Variants in CDC42EP3 observed in about 807,000 individuals in gnomAD.
The protein encoded by CDC42EP3 is CDC42 effector protein 3, also known as CDC42 effector protein (Rho GTPase binding) 3.
A neutral mutation model predicts 15.5 loss-of-function variants in CDC42EP3; 4 were observed. The observed-to-expected ratio is 0.26, with a 90% CI of 0.13 to 0.59. CDC42EP3 has a LOEUF of 0.59. Among genes scored for constraint, CDC42EP3 ranks in the 20% least tolerant of loss-of-function variants. The pLI, the probability that CDC42EP3 is intolerant of heterozygous loss-of-function variation, is 0.89. For synonymous variants in CDC42EP3, 145 were observed against 130.3 expected, an observed-to-expected ratio of 1.11 and a Z score of -0.77; for missense variants, 309 against 311.2, an observed-to-expected ratio of 0.99 and a Z score of 0.05.
At chr2:37,669,569 T>C (rs1258591285) in intron 1 of CDC42EP3, among the ~76,000 whole-genome samples, 4 of 152,242 alleles carry the variant, frequency 2.6e-5, no homozygotes, top group African/African-American at 9.6e-5. Context: ...ACTGCTCAGA[T>C]TGAGGGAAAG....
chr2:37,657,229 C>G (rs1665895524), intron 1 of CDC42EP3, among the ~76,000 whole-genome samples: 1 of 152,120 alleles, frequency 6.6e-6, no homozygotes, highest in Non-Finnish European at 1.5e-5. Context: ...TTCTTACCAT[C>G]AGCCTCTATT....
intron 1 of CDC42EP3, among the ~76,000 whole-genome samples, chr2:37,668,564 T>C (rs1222548850): frequency 1.3e-5 from 2 of 152,224 alleles, no homozygotes; most frequent in Non-Finnish European, 2.9e-5. Flanking sequence ...CAGTTTTTTT[T>C]CCCATCCCCT....
At chr2:37,661,671 C>G (rs2124631813) in intron 1 of CDC42EP3, among the ~76,000 whole-genome samples, 1 of 152,206 alleles carries the variant, frequency 6.6e-6, no homozygotes, top group Middle Eastern at 3.4e-3. Context: ...CTACCGGGAG[C>G]TGACAGCACG....
intron 1 of CDC42EP3, among the ~76,000 whole-genome samples, chr2:37,668,518 G>C (rs1666312627): frequency 6.6e-6 from 1 of 152,220 alleles, no homozygotes; most frequent in African/African-American, 2.4e-5. Flanking sequence ...ACTAGGACAT[G>C]TGCCCAGGCA....
At position 37,645,888 on chromosome 2, in the gene CDC42EP3, G is replaced by T. The variant is rs1665435278; in HGVS notation, c.700C>A (p.Leu234Met). Residue 234 changes from leucine (L) to methionine (M), a missense_variant, in exon 2 of 2, where the codon CTG becomes ATG. Coordinates refer to ENST00000295324, the MANE Select transcript of CDC42EP3 (RefSeq NM_006449.5). The part of the protein sequence containing the change: ...LSDLTGSLLS[L>M]QLDLGPSLLD... ...AGTGAGGGCCCAAGATCAAGCTGCA[G>T]GGAGAGGAGGGAACCTGTAAGGTCA... 1 of 1,599,040 alleles carries T rather than the reference G, an allele frequency of 6.3e-7. No individual in the cohort carries two copies. The highest frequency in any genetic ancestry group is 8.5e-7 in the Non-Finnish European group (1 of 1,174,062).
At chr2:37,666,686 T>G (rs1250174272) in intron 1 of CDC42EP3, among the ~76,000 whole-genome samples, 1 of 152,224 alleles carries the variant, frequency 6.6e-6, no homozygotes, top group South Asian at 2.1e-4. Context: ...CTCAGCATCA[T>G]GCTTTGTATT....
chr2:37,656,054 C>A (rs979079964), intron 1 of CDC42EP3, among the ~76,000 whole-genome samples: 1 of 152,218 alleles, frequency 6.6e-6, no homozygotes, highest in Non-Finnish European at 1.5e-5. Context: ...TTCTCAAGTT[C>A]TCTGATGGGG....
In CDC42EP3 at chr2:37,642,037, C is replaced by T. The variant is rs1032183057; in HGVS notation, c.*3786G>A. ...ACATGATGCTTTTTGCAGCATTGTACCACAGAATAATGACTCCCTAATAAC... is the reference window on the plus strand; with the variant it reads ...ACATGATGCTTTTTGCAGCATTGTATCACAGAATAATGACTCCCTAATAAC... On this transcript the variant is annotated 3_prime_UTR_variant, in exon 2 of 2. Coordinates refer to ENST00000295324, the MANE Select transcript of CDC42EP3 (RefSeq NM_006449.5). 2 of 152,092 alleles carry T rather than the reference C, an allele frequency of 1.3e-5. No homozygotes were observed. Among genetic ancestry groups the T allele is most frequent in the African/African-American group, 2.4e-5 (1 of 41,398 alleles). 9.4% of individuals were successfully genotyped at this position (152,092 alleles called of 1,614,324 possible).
Position 37,644,995 on chromosome 2 carries a change from C to T in CDC42EP3, c.*828G>A, listed in dbSNP as rs1041642673. ...ACCTGTGCCTTTACACTTTACAATC[C>T]GTTATTGGTTGCTGTTAAAAGTATG... On this transcript the variant is annotated 3_prime_UTR_variant, in exon 2 of 2. Transcript: ENST00000295324. The T allele has an allele frequency of 9.9e-5, 15 of 151,974 alleles. No homozygotes were observed. The highest frequency in any genetic ancestry group is 1.5e-4 in the African/African-American group (6 of 41,344). The allele number at this position is 151,974 out of a possible 1,614,324, so 9.4% of individuals were successfully genotyped here.
chr2:37,662,219 G>C (rs549978717), intron 1 of CDC42EP3, among the ~76,000 whole-genome samples: 8 of 152,174 alleles, frequency 5.3e-5, no homozygotes, highest in Non-Finnish European at 1.2e-4. Context: ...GCCATGTAGT[G>C]ACTCCCTTTG....
intron 1 of CDC42EP3, among the ~76,000 whole-genome samples, chr2:37,666,725 C>A (rs1204869338): frequency 1.3e-5 from 2 of 152,024 alleles, no homozygotes; most frequent in African/African-American, 4.8e-5. Flanking sequence ...AATTTGAAAA[C>A]TGCTTTTCTA....
intron 1 of CDC42EP3, among the ~76,000 whole-genome samples, chr2:37,655,092 C>A (rs983627758): frequency 2.0e-5 from 3 of 152,306 alleles, no homozygotes; most frequent in South Asian, 2.1e-4. Context: ...TAGATTCTTA[C>A]CCTCTCCCCA....
chr2:37,671,082 GCCAAGCGCGGCTTGT>G (rs1666401319), intron 1 of CDC42EP3, among the ~76,000 whole-genome samples: 1 of 152,218 alleles, frequency 6.6e-6, no homozygotes, highest in African/African-American at 2.4e-5. Flanking sequence ...GGGCGCGGTA[GCCAAGCGCGGCTTGT>G]TCTCAGATGG....
chr2:37,650,289 A>G (rs548206261), intron 1 of CDC42EP3, among the ~76,000 whole-genome samples: 2 of 152,324 alleles, frequency 1.3e-5, no homozygotes, highest in African/African-American at 4.8e-5. Flanking sequence ...ATTCTGGGCT[A>G]AGTCCATGCA....
intron 1 of CDC42EP3, among the ~76,000 whole-genome samples, chr2:37,661,989 CT>C (rs1426731485): frequency 1.3e-5 from 2 of 151,870 alleles, no homozygotes; most frequent in African/African-American, 4.8e-5. Flanking sequence ...CAGAATGAGA[CT>C]GGGGCTGAGA....
chr2:37,672,313 T>C (rs796920774), upstream of CDC42EP3: 6 of 152,584 alleles, frequency 3.9e-5, no homozygotes, highest in African/African-American at 1.4e-4. Context: ...GCTGAGCAAC[T>C]GGACACGCGA....
intron 1 of CDC42EP3, among the ~76,000 whole-genome samples, chr2:37,664,880 A>T (rs1333612753): frequency 6.6e-6 from 1 of 152,048 alleles, no homozygotes; most frequent in Non-Finnish European, 1.5e-5. Flanking sequence ...GGACACAAAG[A>T]GGGAAACAAC....
At chr2:37,672,638 G>C (rs1258413285), upstream of CDC42EP3, 1 of 152,266 alleles carries the variant, frequency 6.6e-6, no homozygotes, top group African/African-American at 2.4e-5. Flanking sequence ...TCCTCCGCGA[G>C]TCGTCGGCCT....
intron 1 of CDC42EP3, among the ~76,000 whole-genome samples, chr2:37,655,763 A>G (rs972443935): frequency 7.2e-5 from 11 of 152,246 alleles, no homozygotes; most frequent in African/African-American, 2.2e-4. Flanking sequence ...TGCAAGGACA[A>G]TATCAATACA....
Sources: gnomAD v4.1 joint callset for allele counts (sites outside exome capture counted in the v4.1 genomes callset) on GRCh38, gnomAD v4.1.1 for gene constraint, MANE v1.5 for transcripts, NCBI Gene and HGNC (gene_info 2026-07-23, HGNC 2026-07-21) for gene names.